Variants in RCC1 observed in about 807,000 individuals in gnomAD.
RCC1 encodes the protein regulator of chromosome condensation.
A neutral mutation model predicts 44.4 loss-of-function variants in RCC1; 11 were observed. The ratio of observed to expected loss-of-function variants is 0.25; its 90% confidence interval spans 0.16 to 0.41. The LOEUF is 0.41. RCC1 is among the 10% of genes least tolerant of loss of function. The pLI, the probability that RCC1 is intolerant of heterozygous loss-of-function variation, is 1.00. For synonymous variants in RCC1, 213 were observed against 216.5 expected, an observed-to-expected ratio of 0.98 and a Z score of 0.14; for missense variants, 386 against 547.1, an observed-to-expected ratio of 0.71 and a Z score of 2.94.
chr1:28,535,778 A>C, intron 9 of RCC1, 93 bp from the exon 10 acceptor site: 2 of 1,403,034 alleles, frequency 1.4e-6, no homozygotes, highest in African/African-American at 1.4e-5. Context: ...TAGCCTCTCA[A>C]GGGCTTTTAT....
In RCC1 at chr1:28,538,253, G is replaced by A. The variant is rs1040700674; in HGVS notation, c.*246G>A. 4 of 376,544 alleles carry A rather than the reference G, an allele frequency of 1.1e-5. No individual in the cohort carries two copies. The highest frequency in any genetic ancestry group is 8.3e-5 in the African/African-American group (4 of 47,946). The allele number at this position is 376,544 out of a possible 1,614,324, so 23.3% of individuals were successfully genotyped here. ...TTTCAAAAGGAACATGGCTCACTCA[G>A]AGCTATATGGTTAGACGTTTCTCCC... On this transcript the variant is annotated 3_prime_UTR_variant, in exon 13 of 13. Coordinates refer to ENST00000683442, the MANE Select transcript of RCC1 (RefSeq NM_001381865.2).
intron 3 of RCC1, among the ~76,000 whole-genome samples, chr1:28,513,257 C>G (rs559998684): frequency 2.0e-5 from 3 of 152,048 alleles, no homozygotes; most frequent in African/African-American, 4.8e-5. Context: ...TGCAGTGATG[C>G]GATCTCAGCT....
intron 9 of RCC1, 111 bp from the exon 10 acceptor site, chr1:28,535,760 T>G: frequency 8.6e-7 from 1 of 1,157,208 alleles, no homozygotes. Context: ...GGGATAAGAG[T>G]CCCTACTTAG....
At chr1:28,532,721 G>A (rs941127357) in intron 7 of RCC1, 1 of 477,034 alleles carries the variant, frequency 2.1e-6, no homozygotes, top group Non-Finnish European at 4.2e-6. Flanking sequence ...GCAAGGAGGT[G>A]TGGAGGCAGG....
chr1:28,531,817 C>T lies in RCC1; in HGVS notation c.88C>T (p.His30Tyr). ...SKKVKVSHRS[H>Y]STEPGLVLTL... ...TCACCCTTCAGTCTCACACAGGTCC[C>T]ACAGCACAGAACCCGGCTTGGTGCT... The change falls in exon 6 of 13, where the codon CAC (histidine) becomes TAC (tyrosine). Residue 30 changes from histidine (H) to tyrosine (Y), a missense_variant. By Grantham distance (83) the His-to-Tyr change is moderately conservative (BLOSUM62 2). Coordinates refer to ENST00000683442, the MANE Select transcript of RCC1 (RefSeq NM_001381865.2). 6.5e-7 allele frequency: 1 copy of T among 1,549,552 alleles called. No individual in the cohort carries two copies. Among genetic ancestry groups the T allele is most frequent in the East Asian group, 2.2e-5 (1 of 44,588 alleles).
chr1:28,537,726 C>A, intron 12 of RCC1, 106 bp from the exon 13 acceptor site: 2 of 1,157,016 alleles, frequency 1.7e-6, no homozygotes, highest in Non-Finnish European at 2.4e-6. Context: ...TGCCAAGCTG[C>A]TATTGGCCAA....
intron 5 of RCC1, chr1:28,530,724 T>G: frequency 1.2e-6 from 1 of 827,014 alleles, no homozygotes; most frequent in Non-Finnish European, 1.8e-6. Flanking sequence ...GGCTGCGGGT[T>G]GGGGGGCCGC....
intron 4 of RCC1, chr1:28,526,820 C>G (rs1663694210): frequency 1.7e-6 from 1 of 593,100 alleles, no homozygotes; most frequent in Admixed American, 3.1e-5. Flanking sequence ...TGGCTTGAAC[C>G]CAGGAGGGGG....
At chr1:28,523,549 G>T (rs1663437943) in intron 4 of RCC1, among the ~76,000 whole-genome samples, 1 of 152,152 alleles carries the variant, frequency 6.6e-6, no homozygotes, top group South Asian at 2.1e-4. Flanking sequence ...CATGATAACA[G>T]ATTTTTTGGT....
chr1:28,531,730 G>T, intron 5 of RCC1, 73 bp from the exon 6 acceptor site: 1 of 1,336,758 alleles, frequency 7.5e-7, no homozygotes, highest in South Asian at 1.8e-5. Flanking sequence ...AGGTTTGTCT[G>T]ATCCCAGAGC....
intron 4 of RCC1, among the ~76,000 whole-genome samples, chr1:28,519,963 C>G (rs1663168160): frequency 1.3e-5 from 2 of 151,916 alleles, no homozygotes; most frequent in South Asian, 4.1e-4. Flanking sequence ...CCTCCACCTC[C>G]CGGGTTCAAG....
chr1:28,508,402 A>G, intron 2 of RCC1: 1 of 366,142 alleles, frequency 2.7e-6, no homozygotes, highest in Non-Finnish European at 5.4e-6. Context: ...TTAAAAGTGC[A>G]AAGTAGTAAA....
At position 28,538,128 on chromosome 1, in the gene RCC1, C is replaced by G. The variant is rs1570231592; in HGVS notation, c.*121C>G. 5 of 811,732 alleles carry G rather than the reference C, an allele frequency of 6.2e-6. No homozygotes were observed. Among genetic ancestry groups the G allele is most frequent in the Non-Finnish European group, 9.5e-6 (5 of 528,246 alleles). The allele number at this position is 811,732 out of a possible 1,614,324, so 50.3% of individuals were successfully genotyped here. ...CCCTGAGCACTGTGTCAGTTCCTGC[C>G]TTTTCTCATCAGCAGAACAGAATCC... On this transcript the variant is annotated 3_prime_UTR_variant, in exon 13 of 13. Transcript: ENST00000683442.
chr1:28,506,359 A>G (rs1384285954), intron 1 of RCC1: 2 of 393,642 alleles, frequency 5.1e-6, no homozygotes, highest in African/African-American at 2.2e-5. Context: ...CAATTTTTGT[A>G]TTCTTAGTGG....
intron 4 of RCC1, chr1:28,526,605 A>AC: frequency 1.8e-6 from 1 of 542,128 alleles, no homozygotes; most frequent in South Asian, 2.2e-5. Context: ...GGTGAAATCC[A>AC]AAGGATAGGG....
intron 3 of RCC1, among the ~76,000 whole-genome samples, chr1:28,515,741 C>T (rs1379944578): frequency 6.6e-6 from 1 of 151,356 alleles, no homozygotes; most frequent in Non-Finnish European, 1.5e-5. Flanking sequence ...AATACAAATA[C>T]AAAACTAAAA....
At chr1:28,507,379 A>C (rs772219111) in intron 1 of RCC1, 2 of 518,990 alleles carry the variant, frequency 3.9e-6, no homozygotes, top group South Asian at 1.4e-5. Context: ...ACGTGGATAC[A>C]CCCGGGAGGT....
intron 3 of RCC1, among the ~76,000 whole-genome samples, chr1:28,515,810 G>T (rs1246133375): frequency 6.6e-6 from 1 of 152,188 alleles, no homozygotes; most frequent in Non-Finnish European, 1.5e-5. Context: ...ACTTTGGGAG[G>T]CCAAGATGGG....
At chr1:28,507,614 T>C in intron 1 of RCC1, 2 of 481,204 alleles carry the variant, frequency 4.2e-6, no homozygotes, top group South Asian at 1.5e-5. Context: ...TTTTTTTTTT[T>C]TTTTTTTGGA....
Sources: allele counts gnomAD v4.1 joint callset (sites outside exome capture counted in the v4.1 genomes callset), GRCh38; gene constraint gnomAD v4.1.1; transcripts MANE v1.5; gene names NCBI Gene and HGNC (gene_info 2026-07-23, HGNC 2026-07-21).